Variants in KRT19 observed in about 807,000 individuals in gnomAD.
KRT19 encodes keratin 19, also known as keratin, type I cytoskeletal 19.
In KRT19, 21 loss-of-function variants were observed where a neutral mutation model predicts 34.6. That is an observed-to-expected ratio of 0.61 (90% confidence interval 0.43 to 0.87). The LOEUF (loss-of-function observed/expected upper bound fraction) is 0.87, where lower values mean the gene tolerates loss of function less well. Ranked by LOEUF, KRT19 falls within the 40% of genes least tolerant of loss-of-function variation. The probability of loss-of-function intolerance (pLI) is 0.00; values close to 1 mark genes in which losing one functional copy is unlikely to be tolerated. For synonymous variants in KRT19, 240 were observed against 245.8 expected (o/e 0.98, Z 0.22); for missense variants, 514 against 545.7 (o/e 0.94, Z 0.58).
intron 1 of KRT19, among the ~76,000 whole-genome samples, chr17:41,526,231 C>G (rs144791995): frequency 6.6e-6 from 1 of 152,176 alleles, no homozygotes; most frequent in African/African-American, 2.4e-5. Flanking sequence ...GCCTCCGCCT[C>G]CCAAAGTGCT....
intron 3 of KRT19, 97 bp downstream of exon 3, chr17:41,524,746 C>T: frequency 7.0e-7 from 1 of 1,425,294 alleles, no homozygotes; most frequent in Non-Finnish European, 9.8e-7. Context: ...GGTGAGGGTG[C>T]ACCAAGTGTT....
chr17:41,527,446 C>T (rs1188492090), intron 1 of KRT19, among the ~76,000 whole-genome samples: 1 of 152,228 alleles, frequency 6.6e-6, no homozygotes, highest in Admixed American at 6.5e-5. Context: ...ACTCTCGCAT[C>T]TTCCTGCGGC....
chr17:41,524,300 T>C (rs1905778249), intron 4 of KRT19, 32 bp from the exon 5 acceptor site: 3 of 1,612,476 alleles, frequency 1.9e-6, no homozygotes, highest in South Asian at 1.1e-5. Flanking sequence ...GGAATAAGCA[T>C]TGAGTCAGAC....
In KRT19 at chr17:41,525,120, G is replaced by A; in HGVS notation, c.503+71C>T. 3.2e-6 allele frequency: 5 copies of A among 1,555,804 alleles called. No homozygotes were observed. The South Asian group carries it at 3.3e-5, about 10-fold the overall frequency. Reference sequence around the variant, plus strand: ...GCTTCAGGCCATCTAGGCTAGGTGAGGGCAGATTCTAAACCCCCCAACCCC... The same window carrying A: ...GCTTCAGGCCATCTAGGCTAGGTGAAGGCAGATTCTAAACCCCCCAACCCC... On this transcript the variant is annotated intron_variant, in intron 2 of 5. Coordinates refer to ENST00000361566, the MANE Select transcript of KRT19 (RefSeq NM_002276.5).
Position 41,523,987 on chromosome 17 carries a change from A to C in KRT19, c.959T>G (p.Leu320Trp). Residue 320 changes from leucine (L) to tryptophan (W), a missense_variant, in exon 6 of 6, where the codon TTG becomes TGG. Transcript: ENST00000361566. ...CTCCGTTTCTGCCAGTGTGTCTTCC[A>C]AGGCAGCTTTCTGAGGATAGGGAGA... ...LQSQLSMKAA[L>W]EDTLAETEAR... The C allele has an allele frequency of 1.2e-6, 2 of 1,610,558 alleles. No individual in the cohort carries two copies. The highest frequency in any genetic ancestry group is 1.3e-5 in the African/African-American group (1 of 75,006).
At chr17:41,525,125 G>C in intron 2 of KRT19, 66 bp downstream of exon 2, 1 of 1,560,432 alleles carries the variant, frequency 6.4e-7, no homozygotes, top group Non-Finnish European at 8.8e-7. Context: ...GGTGAGGGCA[G>C]ATTCTAAACC....
rs780561751 is a variant in KRT19 at position 41,523,906 on chromosome 17, G to A, written c.1040C>T (p.Ala347Val). The A allele has an allele frequency of 3.7e-6, 6 of 1,614,106 alleles. No homozygotes were observed. The South Asian group carries it at 5.5e-5, about 15-fold the overall frequency. ...HIQALISGIE[A>V]QLGDVRADSE... ...ATCAGCTCGCACATCGCCCAGCTGG[G>A]CTTCAATACCGCTGATCAGCGCCTG... is the stretch of plus-strand genomic sequence containing the variant. The change falls in exon 6 of 6, where the codon GCC becomes GTC. Residue 347 changes from alanine to valine, a missense_variant. Ala to Val is a moderately conservative substitution (Grantham distance 64). Coordinates refer to ENST00000361566, the MANE Select transcript of KRT19 (RefSeq NM_002276.5).
At chr17:41,525,654 G>A in intron 1 of KRT19, 1 of 231,874 alleles carries the variant, frequency 4.3e-6, no homozygotes, top group Admixed American at 5.2e-5. Flanking sequence ...TGCCCCCAGG[G>A]AAGAGAATCC....
rs1905932646 is a variant in KRT19, at chr17:41,528,059, G to A, written c.189C>T (p.Gly63=). The change falls in exon 1 of 6, where the codon GGC becomes GGT. Residue 63 remains glycine, a synonymous_variant. Transcript: ENST00000361566. ...ACGCGGTCAGGACGCCGCCGTAGCC[G>A]CCGCCGTAGGCCCCCGAGGAGGACG... ...VSSSSSGAYG[G]GYGGVLTASD... 6.2e-7 allele frequency: 1 copy of A among 1,609,598 alleles called. No individual in the cohort carries two copies. The highest frequency in any genetic ancestry group is 8.5e-7 in the Non-Finnish European group (1 of 1,177,574).
At position 41,523,982 on chromosome 17, in the gene KRT19, C is replaced by G; in HGVS notation, c.964G>C (p.Asp322His). The change falls in exon 6 of 6, where the codon GAC becomes CAC. Residue 322 changes from aspartate to histidine, a missense_variant. Transcript: ENST00000361566. The part of the protein sequence containing the change: ...SQLSMKAALE[D>H]TLAETEARFG... ...CGCGCCTCCGTTTCTGCCAGTGTGT[C>G]TTCCAAGGCAGCTTTCTGAGGATAG... 2 of 1,610,664 alleles carry G rather than the reference C, an allele frequency of 1.2e-6. No homozygotes were observed. Among genetic ancestry groups the G allele is most frequent in the South Asian group, 2.2e-5 (2 of 91,054 alleles).
rs1905747114 is a variant in KRT19, at chr17:41,523,673, C to G, written c.*70G>C. ...CAGGAGAAGAGCCGGGGGTAAGGGTCCCTTCCTTCCCATCCCTCTACCCAG... is the reference window on the plus strand; with the variant it reads ...CAGGAGAAGAGCCGGGGGTAAGGGTGCCTTCCTTCCCATCCCTCTACCCAG... On this transcript the variant is annotated 3_prime_UTR_variant, in exon 6 of 6. Transcript: ENST00000361566. 2.0e-6 allele frequency: 3 copies of G among 1,478,820 alleles called. No homozygotes were observed. The highest frequency in any genetic ancestry group is 1.4e-5 in the African/African-American group (1 of 72,086). The allele number at this position is 1,478,820 out of a possible 1,614,324, so 91.6% of individuals were successfully genotyped here. A position where few individuals can be genotyped will look rare whatever the true frequency, so the allele number is the denominator to read the frequency against.
In KRT19 at chr17:41,523,742, C is replaced by G. The variant is rs1035520466; in HGVS notation, c.*1G>C. On this transcript the variant is annotated 3_prime_UTR_variant, in exon 6 of 6. Transcript: ENST00000361566. ...CAGCAGAAGCCCCAGAGCCTGCTGCCTCAGAGGACCTTGGAGGCAGACAAA... is the reference window on the plus strand; with the variant it reads ...CAGCAGAAGCCCCAGAGCCTGCTGCGTCAGAGGACCTTGGAGGCAGACAAA... 5.6e-6 allele frequency: 9 copies of G among 1,613,556 alleles called. No individual in the cohort carries two copies. Among genetic ancestry groups the G allele is most frequent in the Non-Finnish European group, 7.6e-6 (9 of 1,179,666 alleles).
rs1905791601 is a variant in KRT19 at position 41,524,508 on chromosome 17, G to A, written c.693C>T (p.Gly231=). ...EISTLRGQVG[G]QVSVEVDSAP... Reference sequence around the variant, plus strand: ...CGGAATCCACCTCCACACTGACCTGGCCTCCCACTTGGCCCCTCAGCGTAC... The same window carrying A: ...CGGAATCCACCTCCACACTGACCTGACCTCCCACTTGGCCCCTCAGCGTAC... Residue 231 remains glycine, a synonymous_variant, in exon 4 of 6, where the codon GGC becomes GGT. Coordinates refer to ENST00000361566, the MANE Select transcript of KRT19 (RefSeq NM_002276.5). 1 of 1,614,008 alleles carries A rather than the reference G, an allele frequency of 6.2e-7. No individual in the cohort carries two copies. Among genetic ancestry groups the A allele is most frequent in the Non-Finnish European group, 8.5e-7 (1 of 1,180,022 alleles).
chr17:41,524,639 T>C, intron 3 of KRT19, 99 bp from the exon 4 acceptor site: 1 of 1,392,146 alleles, frequency 7.2e-7, no homozygotes, highest in Non-Finnish European at 1.0e-6. Context: ...GGCTTAGTTT[T>C]CAGGTGCAGG....
chr17:41,524,719 C>A, intron 3 of KRT19, 124 bp downstream of exon 3: 15 of 1,292,652 alleles, frequency 1.2e-5, no homozygotes, highest in Non-Finnish European at 1.4e-5. Context: ...GATCCATGAT[C>A]CCACACCCAG....
chr17:41,525,408 C>T (rs1024255738), intron 1 of KRT19, 135 bp from the exon 2 acceptor site: 8 of 720,144 alleles, frequency 1.1e-5, no homozygotes, highest in Middle Eastern at 2.5e-4. Flanking sequence ...CAGCATCTGC[C>T]GCCCATTGGC....
chr17:41,526,347 T>C (rs1445432858), intron 1 of KRT19, among the ~76,000 whole-genome samples: 2 of 152,070 alleles, frequency 1.3e-5, no homozygotes, highest in Non-Finnish European at 2.9e-5. Flanking sequence ...ATGGTGAGAA[T>C]TGTGTCACCC....
In KRT19 at chr17:41,524,448, G is replaced by A. The variant is rs374629932; in HGVS notation, c.753C>T (p.Asp251=). ...PGTDLAKILS[D]MRSQYEVMAE... Reference sequence around the variant, plus strand: ...CCATGACCTCATATTGGCTTCGCATGTCACTCAGGATCTTGGCGAGATCGG... The same window carrying A: ...CCATGACCTCATATTGGCTTCGCATATCACTCAGGATCTTGGCGAGATCGG... Residue 251 remains aspartate, a synonymous_variant, in exon 4 of 6, where the codon GAC becomes GAT. Transcript: ENST00000361566. 6.2e-7 allele frequency: 1 copy of A among 1,614,072 alleles called. No individual in the cohort carries two copies. The highest frequency in any genetic ancestry group is 1.7e-5 in the Admixed American group (1 of 60,014).
intron 1 of KRT19, 97 bp downstream of exon 1, chr17:41,527,731 C>A: frequency 7.3e-7 from 1 of 1,362,520 alleles, no homozygotes; most frequent in South Asian, 1.4e-5. Context: ...TCCTAACGGG[C>A]TCCTGCCCGC....
Sources: gnomAD v4.1 joint callset for allele counts (sites outside exome capture counted in the v4.1 genomes callset) on GRCh38, gnomAD v4.1.1 for gene constraint, MANE v1.5 for transcripts, NCBI Gene and HGNC (gene_info 2026-07-23, HGNC 2026-07-21) for gene names.